Variants in IQSEC1 observed in about 807,000 individuals in gnomAD.
IQSEC1 encodes the protein IQ motif and Sec7 domain ArfGEF 1.
Under a neutral mutation model 91.0 loss-of-function variants are expected in IQSEC1, and 31 were observed. The observed-to-expected ratio is 0.34, with a 90% CI of 0.26 to 0.46. The LOEUF is 0.46. Ranked by LOEUF, IQSEC1 falls within the 20% of genes least tolerant of loss-of-function variation. The pLI, the probability that IQSEC1 is intolerant of heterozygous loss-of-function variation, is 1.00. For missense variants in IQSEC1, 1,388 were observed against 1,575.6 expected (o/e 0.88, Z 2.02); for synonymous variants, 699 against 662.6 (o/e 1.05, Z -0.84).
At chr3:13,015,247 C>T (rs1170628649) in intron 1 of IQSEC1, among the ~76,000 whole-genome samples, 10 of 152,118 alleles carry the variant, frequency 6.6e-5, no homozygotes, top group East Asian at 1.9e-4. Context: ...CCGTAGGCAG[C>T]GACCCAACAC....
rs1349493270 is a variant in IQSEC1, at chr3:12,941,722, G to A, written c.167C>T (p.Ser56Leu). 6.8e-6 allele frequency: 11 copies of A among 1,612,400 alleles called. No individual in the cohort carries two copies. The East Asian group carries it at 1.3e-4, about 20-fold the overall frequency. ...GCGCTGCTGTTGCCCCGGCGGCCCC[G>A]AGTACAGCCCATAGGCTCCCACTGA... Reference protein sequence around the residue: ...HTSVGAYGLYSGPPGQQQRTR... With the variant: ...HTSVGAYGLYLGPPGQQQRTR... The change falls in exon 2 of 14, where the codon TCG (serine) becomes TTG (leucine). Residue 56 changes from serine to leucine, a missense_variant. By Grantham distance (145) the Ser-to-Leu change is moderately radical. Transcript: ENST00000613206.
intron 2 of IQSEC1, among the ~76,000 whole-genome samples, chr3:13,100,758 A>G (rs1335768937): frequency 3.4e-5 from 5 of 148,882 alleles, no homozygotes; most frequent in Admixed American, 1.3e-4. Flanking sequence ...TGTTCATTGG[A>G]CACTGGTCTG....
At chr3:13,033,522 T>C (rs1703925167) in intron 1 of IQSEC1, among the ~76,000 whole-genome samples, 2 of 152,076 alleles carry the variant, frequency 1.3e-5, no homozygotes, top group Admixed American at 1.3e-4. Context: ...TATATGTATA[T>C]GTATATATAT....
At chr3:13,237,380 C>T (rs1344080668) in intron 1 of IQSEC1, among the ~76,000 whole-genome samples, 1 of 152,220 alleles carries the variant, frequency 6.6e-6, no homozygotes, top group Admixed American at 6.5e-5. Context: ...CAACACTGGC[C>T]TCCACCATGG....
chr3:13,049,503 C>T (rs976119187), intron 1 of IQSEC1, among the ~76,000 whole-genome samples: 7 of 152,200 alleles, frequency 4.6e-5, no homozygotes, highest in East Asian at 1.9e-4. Flanking sequence ...TGGAATCATG[C>T]TCCCACTTCA....
intron 1 of IQSEC1, among the ~76,000 whole-genome samples, chr3:13,012,529 G>T (rs373680977): frequency 6.6e-6 from 1 of 152,178 alleles, no homozygotes; most frequent in Non-Finnish European, 1.5e-5. Flanking sequence ...AGACAGAAAC[G>T]ATGTGTTGCT....
At chr3:12,920,173 T>C (rs1318542151) in intron 6 of IQSEC1, among the ~76,000 whole-genome samples, 1 of 152,202 alleles carries the variant, frequency 6.6e-6, no homozygotes, top group East Asian at 1.9e-4. Context: ...AGTGTCACCT[T>C]CTCTGTGAGG....
intron 1 of IQSEC1, among the ~76,000 whole-genome samples, chr3:12,951,328 C>T (rs951091525): frequency 1.3e-5 from 2 of 151,990 alleles, no homozygotes; most frequent in African/African-American, 2.4e-5. Flanking sequence ...GAGGCTAAGG[C>T]GCGAGAACTG....
chr3:13,140,405 A>G (rs358377), intron 2 of IQSEC1, among the ~76,000 whole-genome samples: 73,915 of 152,104 alleles, frequency 0.49, 18,687 homozygotes, highest in Admixed American at 0.58. Context: ...CATGGAAATC[A>G]TAGTTTAGTG....
intron 1 of IQSEC1, among the ~76,000 whole-genome samples, chr3:13,072,062 A>G (rs562042534): frequency 6.6e-6 from 1 of 152,380 alleles, no homozygotes; most frequent in Non-Finnish European, 1.5e-5. Flanking sequence ...AAGGCTCCCC[A>G]CATACTGCTC....
At chr3:12,993,236 C>T (rs970652353) in intron 1 of IQSEC1, among the ~76,000 whole-genome samples, 1 of 152,194 alleles carries the variant, frequency 6.6e-6, no homozygotes, top group Non-Finnish European at 1.5e-5. Context: ...GTCTCTTCCC[C>T]ACGTGGTAAT....
intron 1 of IQSEC1, among the ~76,000 whole-genome samples, chr3:13,165,613 T>G: frequency 6.9e-6 from 1 of 145,150 alleles, no homozygotes. Context: ...CCATCTTAGG[T>G]TGCTCACCCT....
Position 13,211,677 on chromosome 3 carries a change from C to T in IQSEC1, c.273-47544G>A, listed in dbSNP as rs144906839. On this transcript the variant is annotated intron_variant, in intron 1 of 15. Transcript: ENST00000648114. The surrounding 1 kb of genome is among the most constrained non-coding windows in gnomAD (Gnocchi z 5.3). ...CCAGGCCAGGACCCACGAACTGGCA[C>T]CACCCCAGCCCTGCTCAGCCACCAC... 6.6e-6 allele frequency among the ~76,000 whole-genome samples: 1 copy of T among 152,196 alleles called. No individual in the cohort carries two copies. The highest frequency in any genetic ancestry group is 1.9e-4 in the East Asian group (1 of 5,194).
At chr3:12,913,837 T>C (rs1695804780) in intron 8 of IQSEC1, among the ~76,000 whole-genome samples, 1 of 152,206 alleles carries the variant, frequency 6.6e-6, no homozygotes, top group South Asian at 2.1e-4. Context: ...TTCCATTCTT[T>C]TGGGCAGGTA....
intron 1 of IQSEC1, among the ~76,000 whole-genome samples, chr3:13,007,572 G>A (rs1702693011): frequency 6.6e-6 from 1 of 152,234 alleles, no homozygotes; most frequent in South Asian, 2.1e-4. Context: ...CTGCAAGATA[G>A]GGCAGATATT....
At chr3:13,003,556 C>T (rs1702515853) in intron 1 of IQSEC1, among the ~76,000 whole-genome samples, 1 of 152,136 alleles carries the variant, frequency 6.6e-6, no homozygotes, top group African/African-American at 2.4e-5. Context: ...GTGATGGTTA[C>T]AGGATTCTGT....
intron 2 of IQSEC1, among the ~76,000 whole-genome samples, chr3:13,122,753 G>T (rs955195074): frequency 8.5e-5 from 13 of 152,170 alleles, no homozygotes; most frequent in African/African-American, 2.9e-4. Flanking sequence ...GATGAAGCTT[G>T]CCAGGGTCAC....
chr3:13,048,224 C>T (rs1323453383), intron 1 of IQSEC1, among the ~76,000 whole-genome samples: 4 of 152,204 alleles, frequency 2.6e-5, no homozygotes, highest in East Asian at 3.9e-4. Context: ...ACAGGGGCAA[C>T]GAATGCATCT....
At chr3:13,074,062 T>A (rs959814206), upstream of IQSEC1, among the ~76,000 whole-genome samples, 1 of 152,162 alleles carries the variant, frequency 6.6e-6, no homozygotes, top group South Asian at 2.1e-4. Flanking sequence ...TCTGCCCTCA[T>A]GATGTTTACA....
Sources: allele counts gnomAD v4.1 joint callset (sites outside exome capture counted in the v4.1 genomes callset), GRCh38; gene constraint gnomAD v4.1.1; non-coding constraint Gnocchi (gnomAD v3.1); transcripts MANE v1.5; gene names NCBI Gene and HGNC (gene_info 2026-07-23, HGNC 2026-07-21).